Variants in HGSNAT observed in about 807,000 individuals in gnomAD.
HGSNAT encodes heparan-alpha-glucosaminide N-acetyltransferase, also known as transmembrane protein 76.
HGSNAT carries 59 observed loss-of-function variants against 85.2 expected under a neutral mutation model. The ratio of observed to expected loss-of-function variants is 0.69; its 90% CI spans 0.56 to 0.86. The LOEUF is 0.86. HGSNAT is among the 40% of genes least tolerant of loss of function. The probability of loss-of-function intolerance (pLI) is 0.00; values close to 1 mark genes in which losing one functional copy is unlikely to be tolerated. For synonymous variants in HGSNAT, 321 were observed against 304.5 expected (o/e 1.05, Z -0.56); for missense variants, 756 against 777.1 (o/e 0.97, Z 0.32).
intron 10 of HGSNAT, among the ~76,000 whole-genome samples, chr8:43,181,489 C>T (rs1282517723): frequency 6.6e-6 from 1 of 151,926 alleles, no homozygotes; most frequent in East Asian, 1.9e-4. Context: ...TAGACAATGG[C>T]CAAATGGAGC....
chr8:43,170,788 A>G (rs1253269465), intron 7 of HGSNAT, 94 bp downstream of exon 7: 7 of 748,202 alleles, frequency 9.4e-6, no homozygotes, highest in South Asian at 2.1e-5. Flanking sequence ...GGACTTTTAC[A>G]TATCTTTTAC....
At chr8:43,169,026 A>G in intron 5 of HGSNAT, 147 bp from the exon 6 acceptor site, 2 of 459,686 alleles carry the variant, frequency 4.4e-6, no homozygotes, top group Non-Finnish European at 7.5e-6. Flanking sequence ...TGTGATTTCT[A>G]TTTTTATATT....
chr8:43,182,325 A>G, intron 11 of HGSNAT, 65 bp downstream of exon 11: 3 of 1,248,012 alleles, frequency 2.4e-6, no homozygotes, highest in East Asian at 2.3e-5. Flanking sequence ...TTGTGTGGTG[A>G]TACGGTCTCA....
rs763839914 is a variant in HGSNAT, at chr8:43,197,724, C to T, written c.1595C>T (p.Pro532Leu). The T allele has an allele frequency of 2.5e-6, 4 of 1,613,132 alleles. No homozygotes were observed. The highest frequency in any genetic ancestry group is 3.4e-6 in the Non-Finnish European group (4 of 1,179,150). Residue 532 changes from proline to leucine, a missense_variant, in exon 16 of 18, where the codon CCA (proline) becomes CTA (leucine). Physicochemically the swap from Pro to Leu is moderately conservative, Grantham distance 98. Coordinates refer to ENST00000379644, the MANE Select transcript of HGSNAT (RefSeq NM_152419.3). The part of the protein sequence containing the change: ...TKVSENEGFI[P>L]VNKNLWSLSY... ...GTTTCTGAAAATGAAGGCTTTATTC[C>T]AGTAAACAAAAATCTCTGGTATGTA...
At chr8:43,186,722 A>T (rs1586745057) in intron 11 of HGSNAT, among the ~76,000 whole-genome samples, 1 of 151,914 alleles carries the variant, frequency 6.6e-6, no homozygotes, top group Admixed American at 6.6e-5. Context: ...AGTTCTTTTA[A>T]TTGTGATGTT....
rs1258033792 is a variant in HGSNAT at position 43,181,062 on chromosome 8, C to G, written c.1013-1083C>G. Among the ~76,000 whole-genome samples the G allele has an allele frequency of 2.8e-5, 3 of 107,728 alleles. No individual in the cohort carries two copies. The East Asian group carries it at 8.4e-4, about 30-fold the overall frequency. 70.7% of individuals were successfully genotyped at this position (107,728 alleles called of 152,430 possible). ...GCAGCAGTACCGTCCAGCCTTGGCTCGGCATCAGAGGGAGACCGTGGAGGG... is the reference window on the plus strand; with the variant it reads ...GCAGCAGTACCGTCCAGCCTTGGCTGGGCATCAGAGGGAGACCGTGGAGGG... On this transcript the variant is annotated intron_variant, in intron 10 of 17. Coordinates refer to ENST00000379644, the MANE Select transcript of HGSNAT (RefSeq NM_152419.3).
At chr8:43,196,788 C>T (rs1804741337) in intron 14 of HGSNAT, 160 bp from the exon 15 acceptor site, 1 of 629,402 alleles carries the variant, frequency 1.6e-6, no homozygotes, top group Non-Finnish European at 2.8e-6. Context: ...CTCCACTAGT[C>T]AAAGGCAGAG....
Position 43,170,668 on chromosome 8 carries a change from C to A in HGSNAT, c.717C>A (p.Arg239=). 6.2e-7 allele frequency: 1 copy of A among 1,605,784 alleles called. No homozygotes were observed. The highest frequency in any genetic ancestry group is 8.5e-7 in the Non-Finnish European group (1 of 1,176,314). The part of the protein sequence containing the change: ...ATWRLSALPP[R]LRSVDTFRGI... ...GGCGTCTATCTGCCCTGCCGCCCCG[C>A]CTCCGCAGCGTGGACACCTTCAGGG... Residue 239 remains arginine, a synonymous_variant, in exon 7 of 18, where the codon CGC becomes CGA. Coordinates refer to ENST00000379644, the MANE Select transcript of HGSNAT (RefSeq NM_152419.3).
intron 11 of HGSNAT, among the ~76,000 whole-genome samples, chr8:43,183,309 G>A (rs1804195908): frequency 6.6e-6 from 1 of 151,968 alleles, no homozygotes; most frequent in South Asian, 2.1e-4. Context: ...TGGGACTATA[G>A]GCATGCACTA....
intron 5 of HGSNAT, chr8:43,167,974 G>A (rs1271765355): frequency 4.1e-5 from 10 of 243,478 alleles, no homozygotes; most frequent in Non-Finnish European, 5.8e-5. Context: ...GCTGGAGTGC[G>A]GTGGCACCAT....
chr8:43,165,039 T>A (rs1803389409), intron 5 of HGSNAT, among the ~76,000 whole-genome samples: 1 of 133,324 alleles, frequency 7.5e-6, no homozygotes, highest in African/African-American at 2.8e-5. Flanking sequence ...TGTGCCACCA[T>A]GATAATTTTT....
chr8:43,191,508 C>T lies in HGSNAT; in HGVS notation c.1163C>T (p.Ser388Phe). The T allele has an allele frequency of 6.2e-7, 1 of 1,613,984 alleles. No individual in the cohort carries two copies. Among genetic ancestry groups the T allele is most frequent in the East Asian group, 2.2e-5 (1 of 44,882 alleles). Residue 388 changes from serine to phenylalanine, a missense_variant, in exon 12 of 18, where the codon TCC (serine) becomes TTC (phenylalanine). Coordinates refer to ENST00000379644, the MANE Select transcript of HGSNAT (RefSeq NM_152419.3). ...TGCCTTTCTCTTCGAGACATCACGT[C>T]CAGCTGGCCCCAGTGGCTGCTCATC... ...RSCLSLRDIT[S>F]SWPQWLLILV... is the part of the protein sequence containing the mutation.
chr8:43,168,584 A>G (rs1803510880), intron 5 of HGSNAT, among the ~76,000 whole-genome samples: 1 of 151,570 alleles, frequency 6.6e-6, no homozygotes, highest in Non-Finnish European at 1.5e-5. Context: ...TTTAGTAGAG[A>G]CATGGTTTCA....
At position 43,140,666 on chromosome 8, in the gene HGSNAT, C is replaced by T. The variant is rs1482196275; in HGVS notation, c.118+52C>T. On this transcript the variant is annotated intron_variant, in intron 1 of 17. Transcript: ENST00000379644. ...CGGCCGGCTACGAGCGCAGCGTCTC[C>T]TCTCCGCGGCGCCGCCCCTATCTCC... 6 of 941,584 alleles carry T rather than the reference C, an allele frequency of 6.4e-6. No individual in the cohort carries two copies. The East Asian group carries it at 1.8e-4, about 28-fold the overall frequency. The allele number at this position is 941,584 out of a possible 1,614,324, so 58.3% of individuals were successfully genotyped here. A position where few individuals can be genotyped will look rare whatever the true frequency, so the allele number is the denominator to read the frequency against.
At position 43,196,944 on chromosome 8, in the gene HGSNAT, C is replaced by G. The variant is rs749952636; in HGVS notation, c.1465-4C>G. 1.3e-6 allele frequency: 2 copies of G among 1,586,936 alleles called. No individual in the cohort carries two copies. Among genetic ancestry groups the G allele is most frequent in the African/African-American group, 1.3e-5 (1 of 74,488 alleles). ...TTTTGGTCACACTGTGTTATCTCCT[C>G]CAGGCAGGAAAAATACTATTGTATT... On this transcript the variant is annotated splice_polypyrimidine_tract_variant and splice_region_variant and intron_variant, in intron 14 of 17. Transcript: ENST00000379644.
rs1586703667 is a variant in HGSNAT at position 43,151,333 on chromosome 8, T to C, written c.234+4270T>C. 9.8e-5 allele frequency among the ~76,000 whole-genome samples: 15 copies of C among 152,310 alleles called. No homozygotes were observed. In the South Asian group the frequency reaches 2.9e-3, roughly 29 times the overall value. On this transcript the variant is annotated intron_variant, in intron 2 of 17. Coordinates refer to ENST00000379644, the MANE Select transcript of HGSNAT (RefSeq NM_152419.3). ...TACTTTGGGTATGGTTCTCACCTTC[T>C]CTCTGCTTCTCTTCCCCTGTGAAGC...
chr8:43,191,686 T>C, intron 12 of HGSNAT, 91 bp downstream of exon 12: 1 of 1,479,534 alleles, frequency 6.8e-7, no homozygotes, highest in Non-Finnish European at 9.2e-7. Context: ...GTCAGAGGAA[T>C]TCTCTTTCCC....
intron 17 of HGSNAT, among the ~76,000 whole-genome samples, chr8:43,199,118 C>G (rs974259344): frequency 1.3e-5 from 2 of 152,086 alleles, no homozygotes; most frequent in Non-Finnish European, 1.5e-5. Context: ...CCAGGCTGGT[C>G]TCGAACTCCT....
intron 6 of HGSNAT, 29 bp downstream of exon 6, chr8:43,169,271 C>T (rs1803537806): frequency 2.8e-6 from 4 of 1,410,522 alleles, no homozygotes; most frequent in Middle Eastern, 1.8e-4. Context: ...AGTGTATTGC[C>T]CAGGTGGTTT....
Sources: allele counts gnomAD v4.1 joint callset (sites outside exome capture counted in the v4.1 genomes callset), GRCh38; gene constraint gnomAD v4.1.1; transcripts MANE v1.5; gene names NCBI Gene and HGNC (gene_info 2026-07-23, HGNC 2026-07-21).